Variants in CYP4X1 observed in about 807,000 individuals in gnomAD.
CYP4X1 encodes the protein cytochrome P450 family 4 subfamily X member 1.
Under a neutral mutation model 57.9 loss-of-function variants are expected in CYP4X1, and 44 were observed. The ratio of observed to expected loss-of-function variants is 0.76; its 90% CI spans 0.60 to 0.98. The LOEUF is 0.98. Among genes scored for constraint, CYP4X1 ranks in the 50% least tolerant of loss-of-function variants. CYP4X1 has a pLI of 0.00. For missense variants in CYP4X1, 532 were observed against 623.9 expected (o/e 0.85, Z 1.57); for synonymous variants, 227 against 228.6 (o/e 0.99, Z 0.06).
chr1:47,016,665 A>G, the CYP4X1 span, among the ~76,000 whole-genome samples: 1 of 152,346 alleles, frequency 6.6e-6, no homozygotes, highest in East Asian at 1.9e-4. Flanking sequence ...TATGGGGTAC[A>G]TGAGATGTTT....
At chr1:47,001,789 C>T in the CYP4X1 span, among the ~76,000 whole-genome samples, 2 of 152,244 alleles carry the variant, frequency 1.3e-5, no homozygotes, top group Non-Finnish European at 2.9e-5. Flanking sequence ...CGCTCTTCAT[C>T]ACAGCGGGGA....
At chr1:47,004,476 G>C in the CYP4X1 span, among the ~76,000 whole-genome samples, 1 of 152,124 alleles carries the variant, frequency 6.6e-6, no homozygotes, top group African/African-American at 2.4e-5. Context: ...ACCCTTGGTG[G>C]GCAGCACCTA....
chr1:47,020,707 A>G (rs1643986761), upstream of CYP4X1, among the ~76,000 whole-genome samples: 1 of 152,226 alleles, frequency 6.6e-6, no homozygotes, highest in Non-Finnish European at 1.5e-5. Context: ...ATCCTGGGAT[A>G]CAGCTCCACA....
At chr1:46,977,607 A>T in the CYP4X1 span, among the ~76,000 whole-genome samples, 6 of 152,088 alleles carry the variant, frequency 3.9e-5, no homozygotes, top group Non-Finnish European at 7.4e-5. Context: ...CAACATCCAA[A>T]TTCAGGAAAT....
upstream of CYP4X1, among the ~76,000 whole-genome samples, chr1:47,020,709 A>G (rs917614788): frequency 6.6e-6 from 1 of 152,228 alleles, no homozygotes; most frequent in African/African-American, 2.4e-5. Context: ...CCTGGGATAC[A>G]GCTCCACAAA....
chr1:47,007,332 T>C, the CYP4X1 span, among the ~76,000 whole-genome samples: 2 of 152,142 alleles, frequency 1.3e-5, no homozygotes, highest in Non-Finnish European at 2.9e-5. Context: ...GGAGTGGACC[T>C]CCAGCAAACA....
chr1:46,967,065 C>A, the CYP4X1 span, among the ~76,000 whole-genome samples: 2 of 152,162 alleles, frequency 1.3e-5, no homozygotes, highest in Non-Finnish European at 2.9e-5. Context: ...AAATGCTATT[C>A]CAGATGTTGT....
upstream of CYP4X1, among the ~76,000 whole-genome samples, chr1:47,023,132 C>T (rs1644017241): frequency 1.3e-5 from 2 of 152,168 alleles, no homozygotes. Context: ...GTTTTTATCC[C>T]GCATTTTCAT....
intron 7 of CYP4X1, 58 bp downstream of exon 7, chr1:47,038,824 G>T: frequency 1.4e-6 from 2 of 1,422,648 alleles, no homozygotes; most frequent in Non-Finnish European, 9.7e-7. Context: ...GTAAGTAGGT[G>T]GGTAAGTGGG....
the CYP4X1 span, among the ~76,000 whole-genome samples, chr1:46,999,026 T>TTGTGTGTGTGTG: frequency 8.8e-3 from 1,263 of 143,294 alleles, 18 homozygotes; most frequent in African/African-American, 0.025. Context: ...CTTGCTTTCT[T>TTGTGTGTGTGTG]TGTGTGTGTG....
At chr1:47,001,062 T>C in the CYP4X1 span, 1 of 233,522 alleles carries the variant, frequency 4.3e-6, no homozygotes, top group South Asian at 8.0e-5. Flanking sequence ...TCATGGCAAA[T>C]TGTTTCCCGA....
intron 1 of CYP4X1, among the ~76,000 whole-genome samples, chr1:47,029,487 A>G (rs764284972): frequency 1.3e-5 from 2 of 152,142 alleles, no homozygotes; most frequent in African/African-American, 4.8e-5. Flanking sequence ...AGAGTTGGCA[A>G]TTTTTTAGAG....
At chr1:47,022,641 A>G (rs1226348965), upstream of CYP4X1, among the ~76,000 whole-genome samples, 1 of 151,986 alleles carries the variant, frequency 6.6e-6, no homozygotes, top group Admixed American at 6.6e-5. Context: ...GGCTCCAGAG[A>G]GTGGAGCGTA....
the CYP4X1 span, among the ~76,000 whole-genome samples, chr1:46,983,368 C>T: frequency 6.6e-6 from 1 of 152,350 alleles, no homozygotes; most frequent in African/African-American, 2.4e-5. Flanking sequence ...AGAGACTGGG[C>T]TCCTTTTCAT....
the CYP4X1 span, among the ~76,000 whole-genome samples, chr1:47,014,112 C>G: frequency 2.6e-5 from 4 of 151,636 alleles, no homozygotes; most frequent in East Asian, 7.7e-4. Context: ...TTGAGTTGGC[C>G]CATTTATATT....
the CYP4X1 span, among the ~76,000 whole-genome samples, chr1:46,991,150 C>T: frequency 3.3e-5 from 5 of 152,198 alleles, no homozygotes; most frequent in East Asian, 9.7e-4. Flanking sequence ...CAGAAGCAAC[C>T]TTCCAGACTG....
the CYP4X1 span, among the ~76,000 whole-genome samples, chr1:46,985,860 C>T: frequency 2.6e-5 from 4 of 152,092 alleles, no homozygotes; most frequent in Admixed American, 6.5e-5. Flanking sequence ...AAACTCCATC[C>T]GAAGATCACC....
the CYP4X1 span, among the ~76,000 whole-genome samples, chr1:46,972,548 T>C: frequency 6.6e-6 from 1 of 152,210 alleles, no homozygotes. Flanking sequence ...TTTAACGATA[T>C]TGATTCTCCA....
chr1:47,018,706 T>C (rs1201340092), upstream of CYP4X1, among the ~76,000 whole-genome samples: 2 of 152,152 alleles, frequency 1.3e-5, no homozygotes, highest in Non-Finnish European at 2.9e-5. Context: ...TCTTCTGAAG[T>C]TTAAGTTGTC....
Sources: allele counts gnomAD v4.1 joint callset (sites outside exome capture counted in the v4.1 genomes callset), GRCh38; gene constraint gnomAD v4.1.1; transcripts MANE v1.5; gene names NCBI Gene and HGNC (gene_info 2026-07-23, HGNC 2026-07-21).